Variants in UGT8 observed in about 807,000 individuals in gnomAD.
UGT8 encodes UDP glycosyltransferase 8.
In UGT8, 12 loss-of-function variants were observed where a neutral mutation model predicts 40.5. The ratio of observed to expected loss-of-function variants is 0.30; its 90% CI spans 0.19 to 0.48. The LOEUF (loss-of-function observed/expected upper bound fraction) is 0.48. Ranked by LOEUF, UGT8 falls within the 20% of genes least tolerant of loss-of-function variation. The pLI is 0.99. For synonymous variants in UGT8, 224 were observed against 240.4 expected (o/e 0.93, Z 0.63); for missense variants, 513 against 648.7 (o/e 0.79, Z 2.27).
At chr4:114,616,475 C>T (rs1731440622) in intron 1 of UGT8, among the ~76,000 whole-genome samples, 1 of 152,082 alleles carries the variant, frequency 6.6e-6, no homozygotes, top group African/African-American at 2.4e-5. Flanking sequence ...TGGGAGTGAC[C>T]CGATTTTCCA....
rs767582586 is a variant in UGT8 at position 114,623,531 on chromosome 4, G to T, written c.651G>T (p.Arg217Ser). The stretch of plus-strand genomic sequence containing the variant: ...TTCTGGTTCTTCCCAAATATGAAAG[G>T]ATAATGCAGAAGTACAACCTGCTGC... ...VSFLVLPKYERIMQKYNLLPE... is the reference protein window; with the variant it reads ...VSFLVLPKYESIMQKYNLLPE... The change falls in exon 2 of 6, where the codon AGG becomes AGT. Residue 217 changes from arginine (R) to serine (S), a missense_variant. Coordinates refer to ENST00000310836, the MANE Select transcript of UGT8 (RefSeq NM_001128174.3). 1.9e-5 allele frequency: 30 copies of T among 1,614,008 alleles called. No individual in the cohort carries two copies. In the South Asian group the frequency reaches 3.3e-4, roughly 18 times the overall value.
chr4:114,644,930 T>A (rs1158912177), intron 2 of UGT8, among the ~76,000 whole-genome samples: 2 of 152,176 alleles, frequency 1.3e-5, no homozygotes, highest in Non-Finnish European at 2.9e-5. Flanking sequence ...GTCTTAATAT[T>A]CCTAATCTGG....
At chr4:114,609,068 G>A (rs557443036) in intron 1 of UGT8, among the ~76,000 whole-genome samples, 64 of 152,182 alleles carry the variant, frequency 4.2e-4, no homozygotes, top group African/African-American at 1.5e-3. Flanking sequence ...AGAGCAATAG[G>A]AATAGGAATA....
intron 2 of UGT8, among the ~76,000 whole-genome samples, chr4:114,648,002 C>T (rs957646613): frequency 9.2e-5 from 14 of 152,224 alleles, no homozygotes; most frequent in Admixed American, 6.5e-4. Flanking sequence ...GATGTCAGTT[C>T]GGTGCACTGT....
intron 1 of UGT8, among the ~76,000 whole-genome samples, chr4:114,610,926 A>G (rs1731000790): frequency 6.6e-6 from 1 of 152,142 alleles, no homozygotes; most frequent in African/African-American, 2.4e-5. Context: ...AAATAATCCC[A>G]TGATCTTTTG....
chr4:114,668,725 G>A (rs1735049116), intron 5 of UGT8, among the ~76,000 whole-genome samples: 1 of 152,222 alleles, frequency 6.6e-6, no homozygotes, highest in African/African-American at 2.4e-5. Flanking sequence ...GAAATTAGAA[G>A]CCAGGACTGT....
chr4:114,663,800 T>C (rs1734692765), intron 2 of UGT8, 195 bp from the exon 3 acceptor site: 1 of 985,196 alleles, frequency 1.0e-6, no homozygotes. Context: ...AAACCACATG[T>C]CCTCATTTCA....
At chr4:114,610,183 C>A (rs1175547554) in intron 1 of UGT8, among the ~76,000 whole-genome samples, 1 of 152,088 alleles carries the variant, frequency 6.6e-6, no homozygotes, top group Non-Finnish European at 1.5e-5. Context: ...ACCTAGGAAA[C>A]CTGAATGCTG....
intron 2 of UGT8, among the ~76,000 whole-genome samples, chr4:114,658,858 C>T (rs1734348579): frequency 6.6e-6 from 1 of 152,096 alleles, no homozygotes. Flanking sequence ...TCCCTAATAT[C>T]AAAACATTAC....
intron 1 of UGT8, among the ~76,000 whole-genome samples, chr4:114,603,702 A>G (rs551074920): frequency 3.2e-4 from 48 of 152,210 alleles, no homozygotes; most frequent in Non-Finnish European, 6.0e-4. Context: ...ATTTAGTTTC[A>G]TTTCCTCATT....
chr4:114,662,141 G>A (rs551402029), intron 2 of UGT8, among the ~76,000 whole-genome samples: 35 of 152,230 alleles, frequency 2.3e-4, no homozygotes, highest in South Asian at 1.0e-3. Flanking sequence ...GGGTTCTGTC[G>A]TGATAAAACT....
intron 2 of UGT8, chr4:114,656,863 C>T (rs781344541): frequency 6.2e-5 from 31 of 497,402 alleles, no homozygotes; most frequent in East Asian, 3.4e-4. Flanking sequence ...ACTGTAGGTA[C>T]GGCCTCATTA....
At chr4:114,666,509 G>T (rs1426954379) in intron 4 of UGT8, among the ~76,000 whole-genome samples, 1 of 151,830 alleles carries the variant, frequency 6.6e-6, no homozygotes, top group Non-Finnish European at 1.5e-5. Context: ...AAAGAAAAAA[G>T]AATACAAGGC....
chr4:114,617,189 G>A (rs943634202), intron 1 of UGT8, among the ~76,000 whole-genome samples: 1 of 152,214 alleles, frequency 6.6e-6, no homozygotes, highest in Non-Finnish European at 1.5e-5. Flanking sequence ...GGGAGGTGAA[G>A]GTTGTAGTGA....
At chr4:114,609,501 G>C (rs1186219288) in intron 1 of UGT8, among the ~76,000 whole-genome samples, 1 of 152,050 alleles carries the variant, frequency 6.6e-6, no homozygotes, top group African/African-American at 2.4e-5. Flanking sequence ...AAGGTCCTCT[G>C]GCTGTCCTGC....
chr4:114,675,209 CT>C (rs1198778325), intron 5 of UGT8, among the ~76,000 whole-genome samples: 3 of 152,078 alleles, frequency 2.0e-5, no homozygotes. Flanking sequence ...AGTTCTGTAT[CT>C]TTTTCTCCAT....
intron 1 of UGT8, among the ~76,000 whole-genome samples, chr4:114,603,463 C>T (rs1432355820): frequency 6.6e-6 from 1 of 151,804 alleles, no homozygotes; most frequent in Non-Finnish European, 1.5e-5. Flanking sequence ...TGGGGAGATC[C>T]TAAAATTTAA....
At chr4:114,648,574 G>A (rs1053180865) in intron 2 of UGT8, among the ~76,000 whole-genome samples, 1 of 152,196 alleles carries the variant, frequency 6.6e-6, no homozygotes, top group African/African-American at 2.4e-5. Flanking sequence ...TGAGGAACAA[G>A]CTGTTGACAT....
At chr4:114,674,797 C>G (rs901078653) in intron 5 of UGT8, among the ~76,000 whole-genome samples, 1 of 152,228 alleles carries the variant, frequency 6.6e-6, no homozygotes, top group East Asian at 1.9e-4. Context: ...GCTATATCCT[C>G]CATGATAGAT....
Sources: gnomAD v4.1 joint callset for allele counts (sites outside exome capture counted in the v4.1 genomes callset) on GRCh38, gnomAD v4.1.1 for gene constraint, MANE v1.5 for transcripts, NCBI Gene and HGNC (gene_info 2026-07-23, HGNC 2026-07-21) for gene names.